Variants in DLGAP2 observed in about 807,000 individuals in gnomAD.
The protein encoded by DLGAP2 is DLG associated protein 2.
DLGAP2 carries 26 observed loss-of-function variants against 100.3 expected under a neutral mutation model. That is an observed-to-expected ratio of 0.26 (90% CI 0.19 to 0.36). DLGAP2 has a LOEUF of 0.36. Among genes scored for constraint, DLGAP2 ranks in the 10% least tolerant of loss-of-function variants. DLGAP2 has a pLI of 1.00. For synonymous variants in DLGAP2, 886 were observed against 630.1 expected (o/e 1.41, Z -6.08); for missense variants, 1,858 against 1,453.2 (o/e 1.28, Z -4.53).
intron 5 of DLGAP2, among the ~76,000 whole-genome samples, chr8:1,560,433 C>G (rs1398315909): frequency 6.6e-6 from 1 of 152,234 alleles, no homozygotes; most frequent in East Asian, 1.9e-4. Flanking sequence ...AGTATCCATC[C>G]TGTGGTTTTA....
At chr8:951,628 C>T (rs543919934) in intron 2 of DLGAP2, among the ~76,000 whole-genome samples, 48 of 152,284 alleles carry the variant, frequency 3.2e-4, no homozygotes, top group African/African-American at 1.1e-3. Flanking sequence ...TTTCCTAGTT[C>T]ATGCTCACTA....
chr8:1,499,405 C>G (rs1799642757), intron 3 of DLGAP2, among the ~76,000 whole-genome samples: 2 of 152,176 alleles, frequency 1.3e-5, no homozygotes, highest in African/African-American at 4.8e-5. Context: ...TAGTTCATCC[C>G]CAAATTCCTT....
intron 2 of DLGAP2, among the ~76,000 whole-genome samples, chr8:1,088,470 C>G (rs1804050954): frequency 1.3e-5 from 2 of 152,146 alleles, no homozygotes; most frequent in Admixed American, 1.3e-4. Context: ...ATTCAGAAAA[C>G]AGCTGAATTT....
chr8:1,273,754 G>A (rs185478008), intron 3 of DLGAP2, among the ~76,000 whole-genome samples: 32 of 152,342 alleles, frequency 2.1e-4, no homozygotes, highest in African/African-American at 7.5e-4. Flanking sequence ...TCTGCTGCAT[G>A]TTAAATTAAG....
At chr8:1,550,129 T>C (rs1801711329) in intron 5 of DLGAP2, among the ~76,000 whole-genome samples, 1 of 152,222 alleles carries the variant, frequency 6.6e-6, no homozygotes, top group Non-Finnish European at 1.5e-5. Flanking sequence ...CCTCTATCTG[T>C]GTGCGCCGGG....
At chr8:875,939 T>C (rs543148546) in intron 1 of DLGAP2, among the ~76,000 whole-genome samples, 4 of 152,328 alleles carry the variant, frequency 2.6e-5, no homozygotes, top group Admixed American at 2.6e-4. Flanking sequence ...TCTTCTGTGG[T>C]ATTATTATAC....
chr8:776,196 A>G (rs1291330344), intron 1 of DLGAP2, among the ~76,000 whole-genome samples: 2 of 151,294 alleles, frequency 1.3e-5, no homozygotes, highest in African/African-American at 4.8e-5. Flanking sequence ...TGGTGGTGAT[A>G]TCCCCTTTAT....
intron 2 of DLGAP2, among the ~76,000 whole-genome samples, chr8:1,031,454 C>T (rs955053617): frequency 2.6e-5 from 4 of 152,066 alleles, no homozygotes; most frequent in African/African-American, 9.6e-5. Context: ...CTCTGTCACC[C>T]AAGCTGTGGT....
At chr8:1,208,251 A>G (rs906347594) in intron 2 of DLGAP2, among the ~76,000 whole-genome samples, 56 of 152,144 alleles carry the variant, frequency 3.7e-4, no homozygotes, top group African/African-American at 1.3e-3. Flanking sequence ...AAGGTGAGAG[A>G]TGAGGATCCA....
intron 2 of DLGAP2, among the ~76,000 whole-genome samples, chr8:989,218 G>A (rs368314382): frequency 8.5e-5 from 13 of 152,146 alleles, no homozygotes; most frequent in African/African-American, 2.9e-4. Flanking sequence ...TCAGGGCCCA[G>A]CAGTGCTCCC....
intron 4 of DLGAP2, among the ~76,000 whole-genome samples, chr8:1,523,147 G>T (rs1280644304): frequency 1.3e-5 from 2 of 152,192 alleles, no homozygotes; most frequent in Non-Finnish European, 2.9e-5. Flanking sequence ...ATAAGTTCTG[G>T]GGGGCGGGAG....
At chr8:1,226,810 C>CTGA (rs1026320641) in intron 2 of DLGAP2, among the ~76,000 whole-genome samples, 3 of 151,990 alleles carry the variant, frequency 2.0e-5, no homozygotes, top group African/African-American at 7.3e-5. Context: ...ATCAAAATCA[C>CTGA]TGAGATACCA....
At chr8:951,685 G>A (rs1342054318) in intron 2 of DLGAP2, among the ~76,000 whole-genome samples, 2 of 152,192 alleles carry the variant, frequency 1.3e-5, no homozygotes, top group Non-Finnish European at 2.9e-5. Flanking sequence ...GCTGTGCTGG[G>A]ACATGTCCAG....
chr8:1,303,284 C>T (rs975800341), intron 3 of DLGAP2, among the ~76,000 whole-genome samples: 5 of 152,010 alleles, frequency 3.3e-5, no homozygotes, highest in African/African-American at 1.2e-4. Flanking sequence ...GTAGTCCCAG[C>T]TACTCGGGAG....
chr8:1,547,097 C>T (rs1801567940), intron 4 of DLGAP2, among the ~76,000 whole-genome samples: 1 of 152,074 alleles, frequency 6.6e-6, no homozygotes, highest in Admixed American at 6.5e-5. Context: ...AGGACCCGGG[C>T]AGCGACATCT....
intron 4 of DLGAP2, among the ~76,000 whole-genome samples, chr8:1,508,201 G>C (rs1163201230): frequency 2.0e-5 from 3 of 151,506 alleles, no homozygotes; most frequent in African/African-American, 2.4e-5. Context: ...TGCATTTACA[G>C]CTTTTCTCCT....
chr8:1,464,576 C>T (rs1450756450), intron 3 of DLGAP2, among the ~76,000 whole-genome samples: 1 of 152,154 alleles, frequency 6.6e-6, no homozygotes, highest in Non-Finnish European at 1.5e-5. Flanking sequence ...GGACGGCTCT[C>T]TTCCAGGACA....
At chr8:848,940 T>G (rs535498749) in intron 1 of DLGAP2, among the ~76,000 whole-genome samples, 17 of 150,960 alleles carry the variant, frequency 1.1e-4, no homozygotes, top group South Asian at 8.4e-4. Context: ...TGTTCCAGCA[T>G]AGGAACGCGC....
At chr8:1,134,449 A>T (rs188344389) in intron 2 of DLGAP2, among the ~76,000 whole-genome samples, 257 of 152,318 alleles carry the variant, frequency 1.7e-3, no homozygotes, top group African/African-American at 6.0e-3. Flanking sequence ...ACTCCCACCA[A>T]CAGTGTATAA....
Sources: allele counts gnomAD v4.1 joint callset (sites outside exome capture counted in the v4.1 genomes callset), GRCh38; gene constraint gnomAD v4.1.1; transcripts MANE v1.5; gene names NCBI Gene and HGNC (gene_info 2026-07-23, HGNC 2026-07-21).